MISP: variants seen among roughly 807,000 people sequenced by gnomAD.
MISP encodes mitotic spindle positioning, also known as mitotic interactor and substrate of PLK1.
In MISP, 51 loss-of-function variants were observed where a neutral mutation model predicts 49.3. The ratio of observed to expected loss-of-function variants is 1.03; its 90% CI spans 0.83 to 1.31. The LOEUF (loss-of-function observed/expected upper bound fraction) is 1.31. Among genes scored for constraint, MISP ranks in the 50% most tolerant of loss-of-function variants. The pLI, the probability that MISP is intolerant of heterozygous loss-of-function variation, is 0.00. For synonymous variants in MISP, 444 were observed against 392.6 expected (o/e 1.13, Z -1.55); for missense variants, 1,084 against 935.1 (o/e 1.16, Z -2.08).
rs3746173 is a variant in MISP at position 757,412 on chromosome 19, A to C, written c.466A>C (p.Ser156Arg). 74 of 1,603,586 alleles carry C rather than the reference A, an allele frequency of 4.6e-5. No homozygotes were observed. The highest frequency in any genetic ancestry group is 2.1e-4 in the Admixed American group (12 of 57,478). ...VIQGQAVRKSSTVATLQGTPD... is the reference protein window; with the variant it reads ...VIQGQAVRKSRTVATLQGTPD... ...CCAGGGCCAGGCAGTCAGGAAGAGC[A>C]GCACCGTGGCCACGCTCCAGGGCAC... The change falls in exon 2 of 5, where the codon AGC (serine) becomes CGC (arginine). Residue 156 changes from serine to arginine, a missense_variant. Physicochemically the swap from Ser to Arg is moderately radical, Grantham distance 110. Transcript: ENST00000215582.
intron 4 of MISP, among the ~76,000 whole-genome samples, chr19:762,505 C>T (rs2033689217): frequency 6.6e-6 from 1 of 150,442 alleles, no homozygotes; most frequent in African/African-American, 2.5e-5. Context: ...CTCCCGCCTC[C>T]ACCTCCCAAA....
chr19:753,389 CTTT>C (rs553930795), intron 1 of MISP, among the ~76,000 whole-genome samples: 4 of 137,888 alleles, frequency 2.9e-5, no homozygotes, highest in Non-Finnish European at 3.2e-5. Context: ...TTCTTTTTTT[CTTT>C]TTTTTTTTTT....
At position 758,828 on chromosome 19, in the gene MISP, T is replaced by C. The variant is rs914510799; in HGVS notation, c.1780+102T>C. The C allele has an allele frequency of 1.2e-5, 11 of 946,422 alleles. No individual in the cohort carries two copies. In the East Asian group the frequency reaches 2.1e-4, roughly 18 times the overall value. The allele number at this position is 946,422 out of a possible 1,614,324, so 58.6% of individuals were successfully genotyped here. A position where few individuals can be genotyped will look rare whatever the true frequency, so the allele number is the denominator to read the frequency against. ...GTTTGAGGCTGTCAAAGGGCTGGGGTTGGGGAGACATTGCCTCCTGACTGT... is the reference window on the plus strand; with the variant it reads ...GTTTGAGGCTGTCAAAGGGCTGGGGCTGGGGAGACATTGCCTCCTGACTGT... On this transcript the variant is annotated intron_variant, in intron 2 of 4. Coordinates refer to ENST00000215582, the MANE Select transcript of MISP (RefSeq NM_173481.4).
At position 757,864 on chromosome 19, in the gene MISP, C is replaced by G; in HGVS notation, c.918C>G (p.Asp306Glu). The G allele has an allele frequency of 1.2e-6, 2 of 1,610,270 alleles. No individual in the cohort carries two copies. The highest frequency in any genetic ancestry group is 1.7e-6 in the Non-Finnish European group (2 of 1,179,724). Residue 306 changes from aspartate (D) to glutamate (E), a missense_variant, in exon 2 of 5, where the codon GAC becomes GAG. By Grantham distance (45) the Asp-to-Glu change is conservative. Transcript: ENST00000215582. ...EIRLAQEREA[D>E]LREQRGLRQA... ...GTCTGGCTCAGGAGCGTGAGGCAGA[C>G]CTGCGAGAGCAGAGGGGGCTTCGGC...
At chr19:763,359 C>G (rs1278099501) in intron 4 of MISP, 142 bp from the exon 5 acceptor site, 1 of 621,812 alleles carries the variant, frequency 1.6e-6, no homozygotes, top group East Asian at 2.8e-5. Flanking sequence ...GATCATATTA[C>G]TAGGAGTAGA....
chr19:759,397 ATG>A (rs1026078763), intron 2 of MISP, among the ~76,000 whole-genome samples: 2 of 116,580 alleles, frequency 1.7e-5, no homozygotes, highest in South Asian at 2.8e-4. Flanking sequence ...GTCACTTTTA[ATG>A]TTTTTTTTTT....
chr19:763,800 T>A lies in MISP; in HGVS notation c.*210T>A, dbSNP rs2033712366. The A allele has an allele frequency of 5.3e-6, 3 of 561,294 alleles. No homozygotes were observed. Among genetic ancestry groups the A allele is most frequent in the Non-Finnish European group, 9.5e-6 (3 of 314,242 alleles). The allele number at this position is 561,294 out of a possible 1,614,324, so 34.8% of individuals were successfully genotyped here. A position where few individuals can be genotyped will look rare whatever the true frequency, so the allele number is the denominator to read the frequency against. ...CTTCCTTTAGAAATGTTTCTGCCTT[T>A]GGGGTCTAAAGCTTTTGGGGATGAA... On this transcript the variant is annotated 3_prime_UTR_variant, in exon 5 of 5. Transcript: ENST00000215582.
chr19:757,977 G>C lies in MISP; in HGVS notation c.1031G>C (p.Arg344Thr). 1.9e-6 allele frequency: 3 copies of C among 1,581,798 alleles called. No individual in the cohort carries two copies. The highest frequency in any genetic ancestry group is 2.2e-5 in the East Asian group (1 of 44,590). The change falls in exon 2 of 5, where the codon AGA becomes ACA. Residue 344 changes from arginine (R) to threonine (T), a missense_variant. By Grantham distance (71) the Arg-to-Thr change is moderately conservative. Transcript: ENST00000215582. Reference sequence around the variant, plus strand: ...CTGATCACAGCCCCACGGCGGGAGAGAGGGCGCCCGTCCCTCTACGTGCAG... The same window carrying C: ...CTGATCACAGCCCCACGGCGGGAGACAGGGCGCCCGTCCCTCTACGTGCAG... ...LSLITAPRRE[R>T]GRPSLYVQRD... is the part of the protein sequence containing the mutation.
At position 757,600 on chromosome 19, in the gene MISP, G is replaced by C. The variant is rs762779634; in HGVS notation, c.654G>C (p.Gly218=). The C allele has an allele frequency of 1.9e-6, 3 of 1,612,556 alleles. No homozygotes were observed. Among genetic ancestry groups the C allele is most frequent in the South Asian group, 1.1e-5 (1 of 90,914 alleles). The stretch of plus-strand genomic sequence containing the variant: ...CCCCTCATAGCTCCCCGGCCAGGGG[G>C]ACCCCTGCAGGCACAACCCCAGGGG... The part of the protein sequence containing the change: ...KGAPHSSPAR[G]TPAGTTPGAS... The change falls in exon 2 of 5, where the codon GGG becomes GGC. Residue 218 remains glycine (G), a synonymous_variant. Coordinates refer to ENST00000215582, the MANE Select transcript of MISP (RefSeq NM_173481.4).
chr19:755,204 G>A (rs966937795), intron 1 of MISP, among the ~76,000 whole-genome samples: 11 of 152,176 alleles, frequency 7.2e-5, no homozygotes, highest in African/African-American at 2.2e-4. Context: ...CTCCGGGAAG[G>A]CTCCTGGAAC....
Position 758,056 on chromosome 19 carries a change from G to T in MISP, c.1110G>T (p.Leu370=). 6.4e-7 allele frequency: 1 copy of T among 1,568,340 alleles called. No homozygotes were observed. The highest frequency in any genetic ancestry group is 1.2e-5 in the South Asian group (1 of 84,844). Reference sequence around the variant, plus strand: ...AGGAAGACCACCGGCGGGAGGGCCTGCACGTGGGCCGGGCGTCCACACCCG... The same window carrying T: ...AGGAAGACCACCGGCGGGAGGGCCTTCACGTGGGCCGGGCGTCCACACCCG... ...QREEDHRREG[L]HVGRASTPDW... Residue 370 remains leucine (L), a synonymous_variant, in exon 2 of 5, where the codon CTG becomes CTT. Coordinates refer to ENST00000215582, the MANE Select transcript of MISP (RefSeq NM_173481.4).
intron 3 of MISP, 106 bp downstream of exon 3, chr19:760,145 C>CT: frequency 7.5e-7 from 1 of 1,324,878 alleles, no homozygotes; most frequent in Non-Finnish European, 1.0e-6. Context: ...GGTTCAAGCA[C>CT]TACCCCCACC....
Position 758,509 on chromosome 19 carries a change from A to G in MISP, c.1563A>G (p.Gln521=), listed in dbSNP as rs1439410822. The change falls in exon 2 of 5, where the codon CAA becomes CAG. Residue 521 remains glutamine (Q), a synonymous_variant. Coordinates refer to ENST00000215582, the MANE Select transcript of MISP (RefSeq NM_173481.4). ...CCCCAGACGAGCCCCAGCAGGCCCA[A>G]GTCCCCCATGTCTGGGGCTGGGAGG... ...FRAPDEPQQA[Q]VPHVWGWEVA... The G allele has an allele frequency of 1.2e-6, 2 of 1,614,116 alleles. No homozygotes were observed. The highest frequency in any genetic ancestry group is 8.5e-7 in the Non-Finnish European group (1 of 1,179,958).
chr19:754,631 CAA>C (rs910206804), intron 1 of MISP, among the ~76,000 whole-genome samples: 4 of 152,176 alleles, frequency 2.6e-5, no homozygotes, highest in South Asian at 2.1e-4. Flanking sequence ...TGTCTCAAAA[CAA>C]AAGACAATAC....
chr19:755,157 C>T (rs1396429415), intron 1 of MISP, among the ~76,000 whole-genome samples: 1 of 152,068 alleles, frequency 6.6e-6, no homozygotes, highest in Admixed American at 6.6e-5. Context: ...CCTGCAGATG[C>T]CAGGAGCCAC....
intron 1 of MISP, among the ~76,000 whole-genome samples, chr19:752,396 C>T (rs1288305741): frequency 3.9e-5 from 6 of 152,194 alleles, no homozygotes; most frequent in Middle Eastern, 3.4e-3. Context: ...TGGTGGCGGG[C>T]GCCTGTAGTC....
chr19:755,577 T>C (rs1599181743), intron 1 of MISP, among the ~76,000 whole-genome samples: 1 of 151,850 alleles, frequency 6.6e-6, no homozygotes, highest in African/African-American at 2.4e-5. Flanking sequence ...GAGCTCAGGG[T>C]GGAAAGGCTC....
chr19:759,046 C>T lies in MISP; in HGVS notation c.1780+320C>T, dbSNP rs187253451. ...TGTTTTTCGGTTTTCTTTTTTGAGA[C>T]GGAGTCTCGCTCTGTCGCCCAGGCT... On this transcript the variant is annotated intron_variant, in intron 2 of 4. Coordinates refer to ENST00000215582, the MANE Select transcript of MISP (RefSeq NM_173481.4). Among the ~76,000 whole-genome samples, 235 of 152,038 alleles carry T rather than the reference C, an allele frequency of 1.5e-3. 1 individual carries two copies. The highest frequency in any genetic ancestry group is 7.0e-3 in the East Asian group (36 of 5,172).
At chr19:750,581 C>G (rs888276854), upstream of MISP, among the ~76,000 whole-genome samples, 3 of 152,106 alleles carry the variant, frequency 2.0e-5, no homozygotes, top group South Asian at 2.1e-4. Context: ...GATGTTCCCC[C>G]ACGTCCCGGA....
Sources: allele counts gnomAD v4.1 joint callset (sites outside exome capture counted in the v4.1 genomes callset), GRCh38; gene constraint gnomAD v4.1.1; transcripts MANE v1.5; gene names NCBI Gene and HGNC (gene_info 2026-07-23, HGNC 2026-07-21).